Variants in KCNIP4 observed in about 807,000 individuals in gnomAD.
KCNIP4 encodes potassium voltage-gated channel interacting protein 4, also known as Kv channel-interacting protein 4.
KCNIP4 carries 12 observed loss-of-function variants against 34.0 expected under a neutral mutation model. That is an observed-to-expected ratio of 0.35 (90% CI 0.23 to 0.57). The LOEUF is 0.57. KCNIP4 is among the 20% of genes least tolerant of loss of function. The probability of loss-of-function intolerance (pLI) is 0.83; values close to 1 mark genes in which losing one functional copy is unlikely to be tolerated. For missense variants in KCNIP4, 238 were observed against 311.7 expected, an observed-to-expected ratio of 0.76 and a Z score of 1.78; for synonymous variants, 124 against 102.2, an observed-to-expected ratio of 1.21 and a Z score of -1.29.
chr4:20,941,415 T>C (rs1408876852), intron 1 of KCNIP4, among the ~76,000 whole-genome samples: 1 of 152,210 alleles, frequency 6.6e-6, no homozygotes, highest in Non-Finnish European at 1.5e-5. Context: ...ACGAAACAGA[T>C]GTTTTCTGCT....
intron 1 of KCNIP4, among the ~76,000 whole-genome samples, chr4:21,882,402 G>A (rs1048685604): frequency 1.3e-5 from 2 of 152,064 alleles, no homozygotes; most frequent in African/African-American, 4.8e-5. Flanking sequence ...AGCGAAAAAA[G>A]CATTTTACAA....
chr4:21,185,792 T>C lies in KCNIP4; in HGVS notation c.62-303083A>G, dbSNP rs539910444. 6.7e-4 allele frequency among the ~76,000 whole-genome samples: 102 copies of C among 152,354 alleles called. 2 individuals are homozygous for C. In the South Asian group the frequency reaches 0.02, roughly 29 times the overall value. On this transcript the variant is annotated intron_variant, in intron 1 of 8. Coordinates refer to ENST00000382152, the MANE Select transcript of KCNIP4 (RefSeq NM_025221.6). ...ACTGTCTTTTTATCCATTTCCATAATTGGCAAATGAGTTCACATGAGGCAT... is the reference window on the plus strand; with the variant it reads ...ACTGTCTTTTTATCCATTTCCATAACTGGCAAATGAGTTCACATGAGGCAT...
chr4:21,137,532 T>G (rs1040206597), intron 1 of KCNIP4, among the ~76,000 whole-genome samples: 1 of 152,212 alleles, frequency 6.6e-6, no homozygotes, highest in African/African-American at 2.4e-5. Flanking sequence ...ATCAAATTAG[T>G]AAACTCTTTT....
intron 1 of KCNIP4, among the ~76,000 whole-genome samples, chr4:20,968,769 G>A (rs1734634406): frequency 7.0e-6 from 1 of 143,614 alleles, no homozygotes; most frequent in African/African-American, 2.6e-5. Flanking sequence ...ACACGCTGGG[G>A]CCTGTCAAGG....
intron 1 of KCNIP4, among the ~76,000 whole-genome samples, chr4:21,243,579 G>A (rs969754146): frequency 2.6e-5 from 4 of 151,988 alleles, no homozygotes; most frequent in Admixed American, 1.3e-4. Context: ...TTAATCTATC[G>A]TATCAACCCA....
At chr4:20,897,241 C>T (rs537046497) in intron 1 of KCNIP4, among the ~76,000 whole-genome samples, 237 of 152,114 alleles carry the variant, frequency 1.6e-3, no homozygotes, top group African/African-American at 5.5e-3. Context: ...TCCAACCCAC[C>T]GCCCCTAAAT....
intron 1 of KCNIP4, among the ~76,000 whole-genome samples, chr4:21,698,648 AGTTT>A (rs1288610860): frequency 1.3e-5 from 2 of 151,182 alleles, no homozygotes; most frequent in African/African-American, 2.5e-5. Context: ...ATACTCCTAG[AGTTT>A]GTTTATTTTT....
At chr4:20,981,066 G>A (rs1231240219) in intron 1 of KCNIP4, among the ~76,000 whole-genome samples, 1 of 152,168 alleles carries the variant, frequency 6.6e-6, no homozygotes, top group African/African-American at 2.4e-5. Flanking sequence ...CAATGTCATA[G>A]TCTAAATAAA....
intron 1 of KCNIP4, chr4:21,304,032 A>T (rs1712072159): frequency 4.7e-5 from 6 of 127,046 alleles, no homozygotes; most frequent in East Asian, 2.2e-4. Context: ...AGAGCGTATG[A>T]GAGAGAGAGA....
Position 21,075,416 on chromosome 4 carries a change from C to T in KCNIP4, c.62-192707G>A, listed in dbSNP as rs571293986. Among the ~76,000 whole-genome samples the T allele has an allele frequency of 2.6e-5, 4 of 152,116 alleles. No individual in the cohort carries two copies. In the East Asian group the frequency reaches 7.7e-4, roughly 29 times the overall value. Reference sequence around the variant, plus strand: ...AATGGCCTTCTTTGTCTCTTTTGATCTTTGTTGGTTTAAAGTCTGTTTTAT... The same window carrying T: ...AATGGCCTTCTTTGTCTCTTTTGATTTTTGTTGGTTTAAAGTCTGTTTTAT... On this transcript the variant is annotated intron_variant, in intron 1 of 8. Transcript: ENST00000382152.
chr4:21,711,354 C>T (rs1443950331), intron 1 of KCNIP4, among the ~76,000 whole-genome samples: 3 of 152,030 alleles, frequency 2.0e-5, no homozygotes, highest in Admixed American at 2.0e-4. Flanking sequence ...CACCTATAGT[C>T]CCAGCTACTC....
At chr4:20,746,089 G>A (rs1560427733) in intron 5 of KCNIP4, among the ~76,000 whole-genome samples, 1 of 152,240 alleles carries the variant, frequency 6.6e-6, no homozygotes, top group East Asian at 1.9e-4. Flanking sequence ...TATATGTATT[G>A]CAGCACTATT....
Position 21,806,119 on chromosome 4 carries a change from T to C in KCNIP4, c.61+142452A>G, listed in dbSNP as rs867051357. Among the ~76,000 whole-genome samples the C allele has an allele frequency of 3.9e-5, 6 of 152,214 alleles. No individual in the cohort carries two copies. In the South Asian group the frequency reaches 1.0e-3, roughly 26 times the overall value. On this transcript the variant is annotated intron_variant, in intron 1 of 8. Coordinates refer to ENST00000382152, the MANE Select transcript of KCNIP4 (RefSeq NM_025221.6). ...TTTCTGCCTTTCATATGCTTAAATG[T>C]TACCAAAACATTATATACTCTGGAC... is the stretch of plus-strand genomic sequence containing the variant.
intron 1 of KCNIP4, chr4:21,719,066 C>A (rs930315200): frequency 6.6e-6 from 1 of 152,182 alleles, no homozygotes. Context: ...GCAAGTGCCA[C>A]CTTAACAAGT....
intron 1 of KCNIP4, among the ~76,000 whole-genome samples, chr4:21,033,958 T>C (rs1204992034): frequency 6.6e-6 from 1 of 152,194 alleles, no homozygotes; most frequent in Non-Finnish European, 1.5e-5. Context: ...TGAATTTATG[T>C]TAAAAATATT....
intron 1 of KCNIP4, among the ~76,000 whole-genome samples, chr4:21,100,702 T>A (rs1747856455): frequency 6.6e-6 from 1 of 152,210 alleles, no homozygotes; most frequent in Non-Finnish European, 1.5e-5. Context: ...CATCAGCATT[T>A]TTTTGGCAAT....
chr4:21,503,009 A>C (rs1733493509), intron 1 of KCNIP4, among the ~76,000 whole-genome samples: 1 of 152,202 alleles, frequency 6.6e-6, no homozygotes, highest in Non-Finnish European at 1.5e-5. Context: ...GTAGGCAGGC[A>C]TGAAATTAGT....
At chr4:21,628,307 C>T (rs1745474292) in intron 1 of KCNIP4, among the ~76,000 whole-genome samples, 1 of 152,096 alleles carries the variant, frequency 6.6e-6, no homozygotes, top group Admixed American at 6.6e-5. Flanking sequence ...ACCCAATACC[C>T]CATGCATACC....
chr4:21,734,797 T>C (rs1715872013), intron 1 of KCNIP4, among the ~76,000 whole-genome samples: 1 of 152,182 alleles, frequency 6.6e-6, no homozygotes, highest in South Asian at 2.1e-4. Flanking sequence ...AGATATTTTC[T>C]ATAGAAATTG....
Sources: allele counts gnomAD v4.1 joint callset (sites outside exome capture counted in the v4.1 genomes callset), GRCh38; gene constraint gnomAD v4.1.1; transcripts MANE v1.5; gene names NCBI Gene and HGNC (gene_info 2026-07-23, HGNC 2026-07-21).